RPA3: variants seen among roughly 807,000 people sequenced by gnomAD.
The protein encoded by RPA3 is replication protein A 14 kDa subunit.
RPA3 carries 24 observed loss-of-function variants against 13.7 expected under a neutral mutation model. The ratio of observed to expected loss-of-function variants is 1.75; its 90% CI spans 1.27 to 2.46. The LOEUF is 2.46. Among genes scored for constraint, RPA3 ranks in the 30% most tolerant of loss-of-function variants. The pLI is 0.00. For synonymous variants in RPA3, 59 were observed against 51.2 expected (o/e 1.15, Z -0.65); for missense variants, 183 against 151.0 (o/e 1.21, Z -1.11).
At chr7:7,643,310 G>A (rs752722449) in intron 4 of RPA3, among the ~76,000 whole-genome samples, 1 of 152,182 alleles carries the variant, frequency 6.6e-6, no homozygotes, top group Non-Finnish European at 1.5e-5. Flanking sequence ...TCAGATGGGC[G>A]TGCATGTAAC....
At chr7:7,638,192 C>A in intron 6 of RPA3, 2 of 399,924 alleles carry the variant, frequency 5.0e-6, no homozygotes, top group Non-Finnish European at 9.3e-6. Context: ...AGCTTCAAGT[C>A]CAAAGCTACA....
chr7:7,642,306 G>A (rs566263844), intron 4 of RPA3, among the ~76,000 whole-genome samples: 16 of 130,930 alleles, frequency 1.2e-4, no homozygotes, highest in African/African-American at 4.0e-4. Flanking sequence ...AGCTAATAAA[G>A]ATTTTTTTTT....
At chr7:7,645,616 C>G (rs1785075558) in intron 4 of RPA3, among the ~76,000 whole-genome samples, 1 of 152,098 alleles carries the variant, frequency 6.6e-6, no homozygotes, top group East Asian at 1.9e-4. Flanking sequence ...AGGAATTTTC[C>G]TTCTATTCCT....
chr7:7,718,418 A>G (rs902766442), intron 1 of RPA3, 97 bp downstream of exon 1: 22 of 152,240 alleles, frequency 1.4e-4, no homozygotes, highest in Admixed American at 3.9e-4. Flanking sequence ...GTAAAAATGC[A>G]TAATCTAAAC....
intron 3 of RPA3, 39 bp from the exon 4 acceptor site, chr7:7,686,037 C>T (rs779806778): frequency 3.3e-5 from 5 of 152,206 alleles, no homozygotes; most frequent in African/African-American, 1.2e-4. Context: ...GCCAGAGAAT[C>T]AGCATTTTAA....
intron 4 of RPA3, among the ~76,000 whole-genome samples, chr7:7,642,082 TG>T: frequency 6.6e-6 from 1 of 152,374 alleles, no homozygotes; most frequent in African/African-American, 2.4e-5. Context: ...AGCATTGTTT[TG>T]CAAAGCAAGT....
chr7:7,681,870 C>T (rs886218661), intron 4 of RPA3, among the ~76,000 whole-genome samples: 5 of 151,862 alleles, frequency 3.3e-5, no homozygotes, highest in South Asian at 2.1e-4. Flanking sequence ...AGGGATATTG[C>T]GTAAATGTTA....
chr7:7,670,703 A>C (rs28915999), intron 4 of RPA3, among the ~76,000 whole-genome samples: 6 of 152,190 alleles, frequency 3.9e-5, no homozygotes, highest in Admixed American at 2.0e-4. Flanking sequence ...TGGAGACTTC[A>C]TGAACTAAAA....
intron 2 of RPA3, among the ~76,000 whole-genome samples, chr7:7,710,176 A>T (rs893508892): frequency 6.6e-6 from 1 of 152,160 alleles, no homozygotes; most frequent in East Asian, 1.9e-4. Flanking sequence ...CACAATTTAT[A>T]TATCTGTTCT....
At chr7:7,646,337 C>G (rs1322546901) in intron 4 of RPA3, among the ~76,000 whole-genome samples, 1 of 151,978 alleles carries the variant, frequency 6.6e-6, no homozygotes, top group Non-Finnish European at 1.5e-5. Flanking sequence ...TGAATTGTAG[C>G]TCCCATAATT....
chr7:7,701,012 T>C (rs1780448434), intron 2 of RPA3, among the ~76,000 whole-genome samples: 2 of 152,200 alleles, frequency 1.3e-5, no homozygotes, highest in African/African-American at 2.4e-5. Flanking sequence ...ATCACGGTAC[T>C]ACACTCCAGC....
intron 5 of RPA3, 102 bp downstream of exon 5, chr7:7,640,218 C>A (rs1784933194): frequency 1.7e-6 from 2 of 1,210,042 alleles, no homozygotes; most frequent in Non-Finnish European, 2.4e-6. Flanking sequence ...GTCGGGGGCG[C>A]AGTGATCGGA....
At chr7:7,711,478 G>C (rs986321929) in intron 2 of RPA3, among the ~76,000 whole-genome samples, 2 of 152,026 alleles carry the variant, frequency 1.3e-5, no homozygotes, top group Non-Finnish European at 2.9e-5. Context: ...TAAGGATATT[G>C]TACTTCAAGG....
At chr7:7,680,763 T>C (rs927959404) in intron 4 of RPA3, among the ~76,000 whole-genome samples, 3 of 152,128 alleles carry the variant, frequency 2.0e-5, no homozygotes, top group African/African-American at 4.8e-5. Flanking sequence ...TCTTTCACTT[T>C]GGTTATATTT....
intron 4 of RPA3, among the ~76,000 whole-genome samples, chr7:7,667,611 A>G (rs1272411084): frequency 1.3e-5 from 2 of 152,224 alleles, no homozygotes; most frequent in African/African-American, 4.8e-5. Context: ...TTATAAAAGT[A>G]TGAAGTAAGT....
chr7:7,674,502 T>C (rs910128269), intron 4 of RPA3, among the ~76,000 whole-genome samples: 1 of 152,224 alleles, frequency 6.6e-6, no homozygotes, highest in Non-Finnish European at 1.5e-5. Flanking sequence ...CTGTCTTGTA[T>C]GTCCAGGGAC....
intron 4 of RPA3, among the ~76,000 whole-genome samples, chr7:7,665,317 C>T (rs557927944): frequency 3.3e-5 from 5 of 152,304 alleles, no homozygotes; most frequent in African/African-American, 1.2e-4. Context: ...CCCTTTTATA[C>T]GCAGTCTGTG....
At chr7:7,650,062 T>C (rs1220124907) in intron 4 of RPA3, among the ~76,000 whole-genome samples, 2 of 152,236 alleles carry the variant, frequency 1.3e-5, no homozygotes, top group Non-Finnish European at 1.5e-5. Context: ...CATGGACAGA[T>C]TAAGAAGCAT....
At chr7:7,692,854 G>T (rs887204884) in intron 2 of RPA3, among the ~76,000 whole-genome samples, 5 of 152,150 alleles carry the variant, frequency 3.3e-5, no homozygotes, top group African/African-American at 1.2e-4. Flanking sequence ...TGATCTGCCT[G>T]CCTCGGCTTC....
Sources: allele counts gnomAD v4.1 joint callset (sites outside exome capture counted in the v4.1 genomes callset), GRCh38; gene constraint gnomAD v4.1.1; transcripts MANE v1.5; gene names NCBI Gene and HGNC (gene_info 2026-07-23, HGNC 2026-07-21).